PTPRD: variants seen among roughly 807,000 people sequenced by gnomAD.
PTPRD encodes receptor-type tyrosine-protein phosphatase delta.
PTPRD carries 34 observed loss-of-function variants against 214.5 expected under a neutral mutation model. That is an observed-to-expected ratio of 0.16 (90% CI 0.12 to 0.21). The LOEUF is 0.21. Among genes scored for constraint, PTPRD ranks in the 10% least tolerant of loss-of-function variants. PTPRD has a pLI of 1.00. For missense variants in PTPRD, 2,545 were observed against 2,398.7 expected (o/e 1.06, Z -1.27); for synonymous variants, 1,128 against 845.7 (o/e 1.33, Z -5.79).
At chr9:8,821,104 C>G (rs954429018) in intron 11 of PTPRD, among the ~76,000 whole-genome samples, 2 of 152,164 alleles carry the variant, frequency 1.3e-5, no homozygotes, top group Non-Finnish European at 2.9e-5. Flanking sequence ...CCCTTCTTCT[C>G]CTTTTTCACC....
chr9:9,211,204 T>C (rs972827620), intron 9 of PTPRD, among the ~76,000 whole-genome samples: 1 of 152,100 alleles, frequency 6.6e-6, no homozygotes, highest in African/African-American at 2.4e-5. Context: ...AGGTCTGTAT[T>C]GCCTGGTATT....
chr9:10,114,588 A>G (rs1313679137), intron 3 of PTPRD, among the ~76,000 whole-genome samples: 1 of 152,096 alleles, frequency 6.6e-6, no homozygotes, highest in Non-Finnish European at 1.5e-5. Flanking sequence ...AGGTGTATAT[A>G]TATATGCATG....
chr9:8,769,090 C>T (rs7847019), intron 11 of PTPRD, among the ~76,000 whole-genome samples: 7,035 of 152,066 alleles, frequency 0.046, 410 homozygotes, highest in African/African-American at 0.13. Context: ...TTATGAATCA[C>T]CCAAGGAAAA....
chr9:10,222,802 T>C (rs1246099805), intron 3 of PTPRD, among the ~76,000 whole-genome samples: 1 of 151,942 alleles, frequency 6.6e-6, no homozygotes, highest in African/African-American at 2.4e-5. Context: ...GAAATGACAA[T>C]AAAACAATTT....
At chr9:10,559,749 G>C (rs901505313) in intron 2 of PTPRD, among the ~76,000 whole-genome samples, 1 of 151,956 alleles carries the variant, frequency 6.6e-6, no homozygotes, top group Admixed American at 6.6e-5. Flanking sequence ...GTGGGCGAAG[G>C]ACATGAACAG....
chr9:10,063,649 G>C (rs1053858369), intron 3 of PTPRD, among the ~76,000 whole-genome samples: 12 of 151,942 alleles, frequency 7.9e-5, no homozygotes, highest in African/African-American at 2.9e-4. Flanking sequence ...ATATGTACTT[G>C]ATTACAAATA....
chr9:8,748,009 G>C (rs528917528), intron 11 of PTPRD, among the ~76,000 whole-genome samples: 4 of 152,208 alleles, frequency 2.6e-5, no homozygotes, highest in African/African-American at 9.6e-5. Context: ...CCATGACTAA[G>C]ATCTACCGCG....
chr9:8,962,307 T>C (rs1245983404), intron 11 of PTPRD: 1 of 152,164 alleles, frequency 6.6e-6, no homozygotes, highest in East Asian at 1.9e-4. Context: ...GTCTAGGTGC[T>C]CTGCCCTCTG....
intron 2 of PTPRD, among the ~76,000 whole-genome samples, chr9:10,438,399 A>T (rs2098736615): frequency 6.6e-6 from 1 of 151,742 alleles, no homozygotes; most frequent in Admixed American, 6.6e-5. Context: ...TTATCACAAC[A>T]TAATCCCATT....
intron 11 of PTPRD, among the ~76,000 whole-genome samples, chr9:8,935,719 T>A (rs2098992421): frequency 6.6e-6 from 1 of 152,204 alleles, no homozygotes; most frequent in Non-Finnish European, 1.5e-5. Context: ...TAATGCAGTA[T>A]GAAATGAGAA....
intron 3 of PTPRD, among the ~76,000 whole-genome samples, chr9:10,262,788 C>T (rs1242234143): frequency 2.6e-5 from 4 of 152,264 alleles, no homozygotes; most frequent in African/African-American, 9.6e-5. Flanking sequence ...TGTATCCACA[C>T]ATTTGCACAG....
intron 12 of PTPRD, among the ~76,000 whole-genome samples, chr9:8,665,283 G>T (rs1379844464): frequency 6.6e-6 from 1 of 152,228 alleles, no homozygotes; most frequent in East Asian, 1.9e-4. Context: ...TACTCTCCCA[G>T]CTGTTCTGAC....
At chr9:10,532,044 AATTTC>A (rs1213436649) in intron 2 of PTPRD, 1 of 152,116 alleles carries the variant, frequency 6.6e-6, no homozygotes, top group Non-Finnish European at 1.5e-5. Flanking sequence ...TGGGGAGCCT[AATTTC>A]ATTTAGCAGT....
chr9:10,212,424 C>T (rs1239869638), intron 3 of PTPRD, among the ~76,000 whole-genome samples: 3 of 151,894 alleles, frequency 2.0e-5, no homozygotes, highest in Non-Finnish European at 4.4e-5. Context: ...TATGTATGTT[C>T]CATATGATTA....
At chr9:9,499,183 T>A (rs1313700932) in intron 8 of PTPRD, among the ~76,000 whole-genome samples, 2 of 152,142 alleles carry the variant, frequency 1.3e-5, no homozygotes, top group Non-Finnish European at 2.9e-5. Flanking sequence ...GATAGTAGAA[T>A]ATATATTTTT....
At chr9:9,180,218 C>T (rs868297813) in intron 10 of PTPRD, among the ~76,000 whole-genome samples, 1 of 151,596 alleles carries the variant, frequency 6.6e-6, no homozygotes, top group South Asian at 2.1e-4. Flanking sequence ...CAATGATAGA[C>T]TGGATTAAGA....
chr9:9,132,461 C>A (rs555012939), intron 10 of PTPRD, among the ~76,000 whole-genome samples: 1 of 152,246 alleles, frequency 6.6e-6, no homozygotes, highest in Admixed American at 6.5e-5. Flanking sequence ...TGAAAGTCTT[C>A]TTGCAGAGGA....
intron 8 of PTPRD, among the ~76,000 whole-genome samples, chr9:9,446,811 T>C (rs75786696): frequency 0.014 from 2,141 of 151,988 alleles, 19 homozygotes; most frequent in Non-Finnish European, 0.021. Context: ...CTTAAACACA[T>C]TTACAATAAA....
At chr9:8,567,945 T>C (rs1010577548) in intron 14 of PTPRD, among the ~76,000 whole-genome samples, 8 of 152,116 alleles carry the variant, frequency 5.3e-5, no homozygotes, top group African/African-American at 1.9e-4. Flanking sequence ...AATATTAAAG[T>C]CATCACTATG....
Sources: gnomAD v4.1 joint callset for allele counts (sites outside exome capture counted in the v4.1 genomes callset) on GRCh38, gnomAD v4.1.1 for gene constraint, MANE v1.5 for transcripts, NCBI Gene and HGNC (gene_info 2026-07-23, HGNC 2026-07-21) for gene names.